The following ANKHD1 variants were observed in gnomAD, a reference collection of about 807,000 sequenced individuals.
The protein encoded by ANKHD1 is ankyrin repeat and KH domain-containing protein 1.
ANKHD1 carries 31 observed loss-of-function variants against 230.5 expected under a neutral mutation model. The observed-to-expected ratio is 0.13, with a 90% CI of 0.10 to 0.18. The LOEUF (loss-of-function observed/expected upper bound fraction) is 0.18. ANKHD1 is among the 10% of genes least tolerant of loss of function. ANKHD1 has a pLI of 1.00. For missense variants in ANKHD1, 2,256 were observed against 3,071.3 expected (o/e 0.73, Z 6.27); for synonymous variants, 1,074 against 1,117.6 (o/e 0.96, Z 0.78).
chr5:140,471,647 A>G (rs1351473613), intron 10 of ANKHD1, among the ~76,000 whole-genome samples: 2 of 152,206 alleles, frequency 1.3e-5, no homozygotes, highest in African/African-American at 2.4e-5. Context: ...ACTCTGGTCA[A>G]TGACTGAAAA....
intron 1 of ANKHD1, among the ~76,000 whole-genome samples, chr5:140,435,023 T>C (rs888814922): frequency 1.3e-5 from 2 of 152,196 alleles, no homozygotes; most frequent in African/African-American, 2.4e-5. Flanking sequence ...TTTTTGTAAG[T>C]TGATTTTTGC....
intron 22 of ANKHD1, among the ~76,000 whole-genome samples, chr5:140,511,435 T>C (rs1752764368): frequency 6.6e-6 from 1 of 152,202 alleles, no homozygotes; most frequent in Non-Finnish European, 1.5e-5. Context: ...TCTCTACTCA[T>C]CTGTTAGCTC....
At chr5:140,509,594 A>G (rs556567724) in intron 20 of ANKHD1, 43 bp from the exon 21 acceptor site, 1 of 1,464,396 alleles carries the variant, frequency 6.8e-7, no homozygotes, top group African/African-American at 1.4e-5. Context: ...AATAGTTAAA[A>G]AAAGAAATGT....
chr5:140,442,682 G>C (rs761853829), intron 5 of ANKHD1, among the ~76,000 whole-genome samples: 3 of 152,084 alleles, frequency 2.0e-5, no homozygotes, highest in Non-Finnish European at 2.9e-5. Context: ...TTTTTTATCT[G>C]ATTATGAAAA....
At chr5:140,428,977 G>A (rs1005004856) in intron 1 of ANKHD1, among the ~76,000 whole-genome samples, 2 of 151,826 alleles carry the variant, frequency 1.3e-5, no homozygotes, top group African/African-American at 2.4e-5. Context: ...GTAGAGACAG[G>A]GTTTCACCAT....
Position 140,529,809 on chromosome 5 carries a change from CTA to C in ANKHD1, c.6850+15_6850+16del, listed in dbSNP as rs1372191466. 5 of 1,610,554 alleles carry C rather than the reference CTA, an allele frequency of 3.1e-6. No individual in the cohort carries two copies. The African/African-American group carries it at 6.7e-5, about 22-fold the overall frequency. ...ACTAGTCCAGTTGGTAAGTTATTAA[CTA>C]TTGCTGCAGTTGAGTTTGGAGCTCC... is the stretch of plus-strand genomic sequence containing the variant. On this transcript the variant is annotated intron_variant, in intron 29 of 33. Transcript: ENST00000360839.
chr5:140,525,732 G>T (rs1408242163), intron 25 of ANKHD1, among the ~76,000 whole-genome samples: 1 of 151,916 alleles, frequency 6.6e-6, no homozygotes, highest in African/African-American at 2.4e-5. Flanking sequence ...GCCGGGCATG[G>T]TGGCACATGC....
Position 140,402,075 on chromosome 5 carries a change from G to A in ANKHD1, c.108G>A (p.Gly36=). ...AGASEPPPPG[G]VGLGIRTVRL... is the part of the protein sequence containing the mutation. Reference sequence around the variant, plus strand: ...CCTCGGAGCCGCCTCCGCCGGGAGGGGTCGGTCTGGGGATCCGCACCGTGA... The same window carrying A: ...CCTCGGAGCCGCCTCCGCCGGGAGGAGTCGGTCTGGGGATCCGCACCGTGA... The change falls in exon 1 of 34, where the codon GGG becomes GGA. Residue 36 remains glycine (G), a synonymous_variant. Transcript: ENST00000360839. The A allele has an allele frequency of 6.7e-7, 1 of 1,494,280 alleles. No individual in the cohort carries two copies. The highest frequency in any genetic ancestry group is 8.9e-7 in the Non-Finnish European group (1 of 1,126,564). 92.6% of individuals were successfully genotyped at this position (1,494,280 alleles called of 1,614,324 possible). A position where few individuals can be genotyped will look rare whatever the true frequency, so the allele number is the denominator to read the frequency against.
intron 1 of ANKHD1, among the ~76,000 whole-genome samples, chr5:140,424,084 C>A (rs1373993180): frequency 6.6e-6 from 1 of 152,058 alleles, no homozygotes; most frequent in African/African-American, 2.4e-5. Context: ...TATCCTTATG[C>A]TCTATTTGCT....
intron 10 of ANKHD1, among the ~76,000 whole-genome samples, chr5:140,476,915 CTT>C (rs755597109): frequency 6.6e-6 from 1 of 152,012 alleles, no homozygotes; most frequent in Non-Finnish European, 1.5e-5. Flanking sequence ...ACGCTAGAGT[CTT>C]TTGTTGTTGT....
At position 140,537,497 on chromosome 5, in the gene ANKHD1, G is replaced by C; in HGVS notation, c.7136G>C (p.Gly2379Ala). The change falls in exon 31 of 34, where the codon GGA becomes GCA. Residue 2379 changes from glycine to alanine, a missense_variant. Around this residue, in one of 13 missense-constraint regions of ANKHD1, gnomAD observed 778 missense variants for 966.5 expected, o/e 0.80. Coordinates refer to ENST00000360839, the MANE Select transcript of ANKHD1 (RefSeq NM_017747.3). ...GAGAGACTGGCCCGAATTCGGCAAG[G>C]AGGGTCTGTTGCACAAGCCCCGGCG... is the stretch of plus-strand genomic sequence containing the variant. ...GTERLARIRQ[G>A]GSVAQAPAGT... is the part of the protein sequence containing the mutation. The C allele has an allele frequency of 4.3e-6, 7 of 1,614,098 alleles. No individual in the cohort carries two copies. Among genetic ancestry groups the C allele is most frequent in the Non-Finnish European group, 5.9e-6 (7 of 1,180,006 alleles).
chr5:140,445,734 CT>C lies in ANKHD1; in HGVS notation c.914-3del, dbSNP rs748044017. 2 of 1,545,580 alleles carry C rather than the reference CT, an allele frequency of 1.3e-6. No individual in the cohort carries two copies. Among genetic ancestry groups the C allele is most frequent in the Admixed American group, 1.8e-5 (1 of 54,410 alleles). The stretch of plus-strand genomic sequence containing the variant: ...CTCATGTATTATATTTCTTCTTCTT[CT>C]TTTTAGGAAACACTGCGCTAACTTA... On this transcript the variant is annotated splice_polypyrimidine_tract_variant and splice_region_variant and intron_variant, in intron 5 of 33. Transcript: ENST00000360839.
At chr5:140,509,340 C>T (rs926898393) in intron 20 of ANKHD1, among the ~76,000 whole-genome samples, 3 of 152,128 alleles carry the variant, frequency 2.0e-5, no homozygotes, top group African/African-American at 7.2e-5. Context: ...ATTCATTATG[C>T]AAAGAAATTA....
intron 9 of ANKHD1, among the ~76,000 whole-genome samples, chr5:140,459,963 G>A (rs1469963211): frequency 6.6e-6 from 1 of 152,106 alleles, no homozygotes; most frequent in African/African-American, 2.4e-5. Context: ...TAATGTTTGT[G>A]TAGTGACCAT....
intron 10 of ANKHD1, 67 bp downstream of exon 10, chr5:140,464,843 A>G (rs1775973129): frequency 2.1e-6 from 3 of 1,437,656 alleles, no homozygotes; most frequent in East Asian, 2.5e-5. Context: ...TAACATTTAG[A>G]AAACACTAAA....
At chr5:140,409,505 A>T (rs1417349631) in intron 1 of ANKHD1, among the ~76,000 whole-genome samples, 1 of 151,994 alleles carries the variant, frequency 6.6e-6, no homozygotes, top group African/African-American at 2.4e-5. Flanking sequence ...GAGACTTTGG[A>T]AATGCTTATT....
At chr5:140,501,179 G>T (rs541710174) in intron 15 of ANKHD1, among the ~76,000 whole-genome samples, 1 of 150,042 alleles carries the variant, frequency 6.7e-6, no homozygotes, top group Non-Finnish European at 1.5e-5. Flanking sequence ...AGGTTCAAGC[G>T]ATTCCCCTTG....
At chr5:140,460,289 C>A (rs1775609298) in intron 9 of ANKHD1, among the ~76,000 whole-genome samples, 1 of 151,594 alleles carries the variant, frequency 6.6e-6, no homozygotes, top group Non-Finnish European at 1.5e-5. Flanking sequence ...AAATTAGTCC[C>A]AACAGATGTA....
At chr5:140,473,650 A>G (rs1161621209) in intron 10 of ANKHD1, among the ~76,000 whole-genome samples, 1 of 152,076 alleles carries the variant, frequency 6.6e-6, no homozygotes, top group Non-Finnish European at 1.5e-5. Flanking sequence ...TGTACTGTCC[A>G]GGCTGGATAT....
Sources: gnomAD v4.1 joint callset for allele counts (sites outside exome capture counted in the v4.1 genomes callset) on GRCh38, gnomAD v4.1.1 for gene constraint, gnomAD v4.1.1 regional missense constraint, MANE v1.5 for transcripts, NCBI Gene and HGNC (gene_info 2026-07-23, HGNC 2026-07-21) for gene names.